The following DYSF variants were observed in gnomAD, a reference collection of about 807,000 sequenced individuals.
The protein encoded by DYSF is dysferlin, also known as dystrophy-associated fer-1-like 1.
DYSF carries 212 observed loss-of-function variants against 274.9 expected under a neutral mutation model. The observed-to-expected ratio is 0.77, with a 90% CI of 0.69 to 0.86. DYSF has a LOEUF of 0.86. DYSF is among the 40% of genes least tolerant of loss of function. The pLI is 0.00. For synonymous variants in DYSF, 1,091 were observed against 1,078.7 expected (o/e 1.01, Z -0.22); for missense variants, 2,666 against 2,783.2 (o/e 0.96, Z 0.95).
At chr2:71,610,358 G>A (rs776654519) in intron 36 of DYSF, among the ~76,000 whole-genome samples, 6 of 152,206 alleles carry the variant, frequency 3.9e-5, no homozygotes, top group Non-Finnish European at 5.9e-5. Context: ...CCATTTTATA[G>A]ATGAAAACAT....
chr2:71,585,481 A>G (rs538138838), intron 30 of DYSF, among the ~76,000 whole-genome samples: 2 of 152,170 alleles, frequency 1.3e-5, no homozygotes, highest in Non-Finnish European at 2.9e-5. Flanking sequence ...GCTTCCCCAA[A>G]GTTCCCAGAT....
chr2:71,643,213 G>T (rs1370192252), intron 41 of DYSF, among the ~76,000 whole-genome samples: 3 of 152,194 alleles, frequency 2.0e-5, no homozygotes, highest in African/African-American at 4.8e-5. Flanking sequence ...CCATGTACAG[G>T]AGGAGTTAAA....
At chr2:71,567,928 T>A (rs1398621032) in intron 24 of DYSF, 23 bp from the exon 25 acceptor site, 3 of 1,613,422 alleles carry the variant, frequency 1.9e-6, no homozygotes, top group Non-Finnish European at 2.5e-6. Context: ...GACTGTGGGT[T>A]TCTGTCCTTC....
chr2:71,476,817 T>C (rs907512945), intron 1 of DYSF, among the ~76,000 whole-genome samples: 2 of 135,760 alleles, frequency 1.5e-5, no homozygotes, highest in Non-Finnish European at 3.2e-5. Context: ...CAAACCGAAC[T>C]AGCTGCTTTT....
chr2:71,599,771 C>T (rs1205384741), intron 33 of DYSF, among the ~76,000 whole-genome samples: 1 of 152,202 alleles, frequency 6.6e-6, no homozygotes, highest in Non-Finnish European at 1.5e-5. Flanking sequence ...GTTGCCCTGA[C>T]CAGACATCAG....
chr2:71,490,274 C>A (rs1271445016), intron 3 of DYSF, among the ~76,000 whole-genome samples: 1 of 152,170 alleles, frequency 6.6e-6, no homozygotes. Flanking sequence ...ACAAGTTCTC[C>A]CATCTTCTAC....
intron 52 of DYSF, 99 bp downstream of exon 52, chr2:71,674,395 A>C: frequency 1.7e-6 from 2 of 1,169,208 alleles, no homozygotes; most frequent in Non-Finnish European, 2.5e-6. Context: ...GAAGCCTAGC[A>C]GGAGGAGTGA....
At chr2:71,461,276 GC>G (rs61200549) in intron 1 of DYSF, among the ~76,000 whole-genome samples, 3,470 of 152,312 alleles carry the variant, frequency 0.023, 53 homozygotes, top group African/African-American at 0.049. Context: ...GCAGTCATTT[GC>G]CAGAGGGACC....
Position 71,611,604 on chromosome 2 carries a change from T to A in DYSF, c.4199T>A (p.Ile1400Asn), listed in dbSNP as rs770896149. 1.2e-6 allele frequency: 2 copies of A among 1,613,816 alleles called. No individual in the cohort carries two copies. The highest frequency in any genetic ancestry group is 1.3e-5 in the African/African-American group (1 of 74,894). ...CTCCGGAAGAACCCCAACTTTGACATCTGCACCCTCTTCATGGAAGTGGTG... is the reference window on the plus strand; with the variant it reads ...CTCCGGAAGAACCCCAACTTTGACAACTGCACCCTCTTCATGGAAGTGGTG... Reference protein sequence around the residue: ...RNLRKNPNFDICTLFMEVMLP... With the variant: ...RNLRKNPNFDNCTLFMEVMLP... Residue 1400 changes from isoleucine (I) to asparagine (N), a missense_variant, in exon 38 of 56, where the codon ATC becomes AAC. Coordinates refer to ENST00000410020, the MANE Select transcript of DYSF (RefSeq NM_001130987.2).
At chr2:71,685,107 C>T (rs965287569) in intron 55 of DYSF, among the ~76,000 whole-genome samples, 1 of 152,136 alleles carries the variant, frequency 6.6e-6, no homozygotes, top group African/African-American at 2.4e-5. Flanking sequence ...GGGAAGGAGG[C>T]CCTGCTGCCT....
chr2:71,646,664 GAC>G (rs1033207527), intron 42 of DYSF, among the ~76,000 whole-genome samples: 11 of 151,956 alleles, frequency 7.2e-5, no homozygotes, highest in Non-Finnish European at 4.4e-5. Context: ...AGGAACAAAA[GAC>G]ACAACAAGAA....
intron 42 of DYSF, among the ~76,000 whole-genome samples, chr2:71,646,568 G>T (rs910399574): frequency 2.0e-5 from 3 of 152,154 alleles, no homozygotes; most frequent in Non-Finnish European, 4.4e-5. Flanking sequence ...GGAGAGAGTG[G>T]AGCACACAGT....
chr2:71,539,051 C>G (rs2089660692), intron 16 of DYSF, 106 bp from the exon 17 acceptor site: 5 of 962,508 alleles, frequency 5.2e-6, no homozygotes, highest in Non-Finnish European at 8.4e-6. Context: ...TCTCTGCCTG[C>G]CCCCCGCCCC....
intron 1 of DYSF, among the ~76,000 whole-genome samples, chr2:71,455,699 C>T (rs758767079): frequency 7.9e-5 from 12 of 152,118 alleles, no homozygotes; most frequent in Non-Finnish European, 1.8e-4. Flanking sequence ...GGTGAAGCAG[C>T]CTCCTCCCAC....
chr2:71,468,745 C>T (rs572397517), intron 1 of DYSF, among the ~76,000 whole-genome samples: 4 of 152,222 alleles, frequency 2.6e-5, no homozygotes, highest in African/African-American at 4.8e-5. Flanking sequence ...AGTCTCTCCT[C>T]TCTGGATGAC....
At chr2:71,521,430 A>G (rs555189458) in intron 12 of DYSF, among the ~76,000 whole-genome samples, 100 of 152,306 alleles carry the variant, frequency 6.6e-4, no homozygotes, top group African/African-American at 2.4e-3. Context: ...GGATTTCTGT[A>G]CAAACACCAG....
At chr2:71,634,418 A>T (rs1273129067) in intron 41 of DYSF, among the ~76,000 whole-genome samples, 2 of 152,158 alleles carry the variant, frequency 1.3e-5, no homozygotes, top group Non-Finnish European at 2.9e-5. Context: ...GAGTTCAGAC[A>T]TGGAATAGCT....
intron 3 of DYSF, among the ~76,000 whole-genome samples, chr2:71,493,198 C>G (rs2084027300): frequency 6.6e-6 from 1 of 152,092 alleles, no homozygotes; most frequent in Non-Finnish European, 1.5e-5. Context: ...TGATACCATA[C>G]TTTTATCTAA....
intron 30 of DYSF, among the ~76,000 whole-genome samples, chr2:71,585,922 A>G (rs1197725149): frequency 6.6e-6 from 1 of 152,052 alleles, no homozygotes; most frequent in Admixed American, 6.5e-5. Flanking sequence ...CTTGATGATA[A>G]GACTGCACAG....
Sources: allele counts gnomAD v4.1 joint callset (sites outside exome capture counted in the v4.1 genomes callset), GRCh38; gene constraint gnomAD v4.1.1; transcripts MANE v1.5; gene names NCBI Gene and HGNC (gene_info 2026-07-23, HGNC 2026-07-21).